The following KCNIP1 variants were observed in gnomAD, a reference collection of about 807,000 sequenced individuals.
The protein encoded by KCNIP1 is A-type potassium channel modulatory protein KCNIP1.
A neutral mutation model predicts 33.0 loss-of-function variants in KCNIP1; 18 were observed. The ratio of observed to expected loss-of-function variants is 0.55; its 90% CI spans 0.38 to 0.81. The LOEUF (loss-of-function observed/expected upper bound fraction) is 0.81, where lower values mean the gene tolerates loss of function less well. Among genes scored for constraint, KCNIP1 ranks in the 30% least tolerant of loss-of-function variants. The probability of loss-of-function intolerance (pLI) is 0.00; values close to 1 mark genes in which losing one functional copy is unlikely to be tolerated. For missense variants in KCNIP1, 238 were observed against 271.6 expected (o/e 0.88, Z 0.87); for synonymous variants, 93 against 98.3 (o/e 0.95, Z 0.32).
intron 1 of KCNIP1, among the ~76,000 whole-genome samples, chr5:170,358,316 G>A (rs1390945022): frequency 3.9e-5 from 6 of 152,150 alleles, no homozygotes; most frequent in Admixed American, 1.3e-4. Flanking sequence ...TCAAGGACAA[G>A]GCCCTGGAGC....
intron 1 of KCNIP1, among the ~76,000 whole-genome samples, chr5:170,691,538 A>G (rs539528300): frequency 1.0e-3 from 157 of 152,316 alleles, no homozygotes; most frequent in African/African-American, 3.7e-3. Context: ...CTTGCAGGAT[A>G]CTGGTAGGAT....
At chr5:170,619,643 C>A (rs1759525930) in intron 1 of KCNIP1, among the ~76,000 whole-genome samples, 1 of 152,222 alleles carries the variant, frequency 6.6e-6, no homozygotes, top group South Asian at 2.1e-4. Flanking sequence ...ATACAAGGAA[C>A]ATTTTAAAGC....
At chr5:170,472,326 C>T (rs2113138112) in intron 1 of KCNIP1, among the ~76,000 whole-genome samples, 1 of 152,350 alleles carries the variant, frequency 6.6e-6, no homozygotes, top group African/African-American at 2.4e-5. Flanking sequence ...TGGATTGACG[C>T]TGGGGCGGCG....
chr5:170,574,441 T>C (rs1396642804), intron 1 of KCNIP1, among the ~76,000 whole-genome samples: 1 of 152,240 alleles, frequency 6.6e-6, no homozygotes. Flanking sequence ...CCAGCAGTCA[T>C]AGTGGTGGTC....
chr5:170,385,195 T>G (rs1371509542), intron 1 of KCNIP1: 1 of 1,118,966 alleles, frequency 8.9e-7, no homozygotes, highest in East Asian at 2.4e-5. Context: ...AGCATCGTCT[T>G]GACCCTGCTG....
intron 1 of KCNIP1, among the ~76,000 whole-genome samples, chr5:170,613,400 T>C (rs559272832): frequency 1.3e-5 from 2 of 152,340 alleles, no homozygotes; most frequent in South Asian, 2.1e-4. Context: ...ATTTGAGGAC[T>C]TTATATGCAC....
At chr5:170,731,387 G>A (rs1764187935) in intron 5 of KCNIP1, among the ~76,000 whole-genome samples, 1 of 152,136 alleles carries the variant, frequency 6.6e-6, no homozygotes, top group South Asian at 2.1e-4. Context: ...TCAAAAGTGT[G>A]AGGTCCTGAA....
chr5:170,590,157 G>A (rs980618844), intron 1 of KCNIP1, among the ~76,000 whole-genome samples: 2 of 152,148 alleles, frequency 1.3e-5, no homozygotes, highest in Non-Finnish European at 2.9e-5. Context: ...GAGCCTGCAG[G>A]GATGGCCTTG....
intron 1 of KCNIP1, among the ~76,000 whole-genome samples, chr5:170,676,977 G>A (rs1762168167): frequency 1.3e-5 from 2 of 152,188 alleles, no homozygotes; most frequent in Admixed American, 1.3e-4. Flanking sequence ...GCAATTTCCA[G>A]AGGAAGTCTG....
intron 1 of KCNIP1, among the ~76,000 whole-genome samples, chr5:170,710,688 T>A (rs955922397): frequency 5.5e-4 from 84 of 152,360 alleles, no homozygotes; most frequent in African/African-American, 1.9e-3. Flanking sequence ...AGATTTTTTT[T>A]TAAATCCTTT....
chr5:170,626,490 G>A (rs6865908), intron 1 of KCNIP1, among the ~76,000 whole-genome samples: 30,602 of 152,174 alleles, frequency 0.2, 3,417 homozygotes, highest in African/African-American at 0.28. Flanking sequence ...CGACTAGGAA[G>A]GAGTATGTGC....
chr5:170,464,575 T>G (rs755297031), intron 1 of KCNIP1, among the ~76,000 whole-genome samples: 2 of 152,228 alleles, frequency 1.3e-5, no homozygotes, highest in African/African-American at 2.4e-5. Flanking sequence ...TGCAGTCAAG[T>G]GGAACCACTG....
At chr5:170,465,218 C>CA (rs1212898328) in intron 1 of KCNIP1, among the ~76,000 whole-genome samples, 1 of 152,174 alleles carries the variant, frequency 6.6e-6, no homozygotes, top group Admixed American at 6.5e-5. Flanking sequence ...TTCTGTACAA[C>CA]AAACCTTTGC....
chr5:170,449,083 C>T (rs552786496), intron 1 of KCNIP1, among the ~76,000 whole-genome samples: 120 of 152,308 alleles, frequency 7.9e-4, no homozygotes, highest in African/African-American at 2.6e-3. Flanking sequence ...GGAAATGAGA[C>T]ACTAGCCCTC....
At chr5:170,495,330 C>A (rs1380002206) in intron 1 of KCNIP1, among the ~76,000 whole-genome samples, 1 of 152,302 alleles carries the variant, frequency 6.6e-6, no homozygotes, top group East Asian at 1.9e-4. Flanking sequence ...CTGGACCGCA[C>A]CACTGTTGGG....
chr5:170,555,216 G>C (rs889901588), intron 1 of KCNIP1, among the ~76,000 whole-genome samples: 2 of 152,124 alleles, frequency 1.3e-5, no homozygotes, highest in Non-Finnish European at 2.9e-5. Flanking sequence ...CGGGCGCTCA[G>C]CCTACTTTTT....
At chr5:170,612,803 G>A (rs562982350) in intron 1 of KCNIP1, among the ~76,000 whole-genome samples, 2 of 152,234 alleles carry the variant, frequency 1.3e-5, no homozygotes, top group Admixed American at 6.5e-5. Flanking sequence ...GATAATGGCC[G>A]TGTGTCCTGC....
chr5:170,723,722 G>A (rs997580820), intron 5 of KCNIP1, among the ~76,000 whole-genome samples: 1 of 152,200 alleles, frequency 6.6e-6, no homozygotes, highest in Non-Finnish European at 1.5e-5. Context: ...GCAGCATAGA[G>A]AGATGGACAA....
intron 1 of KCNIP1, among the ~76,000 whole-genome samples, chr5:170,508,203 C>T (rs966704426): frequency 2.6e-5 from 4 of 152,184 alleles, no homozygotes; most frequent in African/African-American, 9.7e-5. Flanking sequence ...CGAGTGCAAG[C>T]ATGCAGAACT....
Sources: allele counts gnomAD v4.1 joint callset (sites outside exome capture counted in the v4.1 genomes callset), GRCh38; gene constraint gnomAD v4.1.1; transcripts MANE v1.5; gene names NCBI Gene and HGNC (gene_info 2026-07-23, HGNC 2026-07-21).